OPHN1: variants seen among roughly 807,000 people sequenced by gnomAD.
OPHN1 encodes the protein oligophrenin 1.
OPHN1 carries 11 observed loss-of-function variants against 60.7 expected under a neutral mutation model. The observed-to-expected ratio is 0.18, with a 90% CI of 0.11 to 0.30. The LOEUF (loss-of-function observed/expected upper bound fraction) is 0.30, where lower values mean the gene tolerates loss of function less well. Ranked by LOEUF, OPHN1 falls within the 10% of genes least tolerant of loss-of-function variation. The probability of loss-of-function intolerance (pLI) is 1.00; values close to 1 mark genes in which losing one functional copy is unlikely to be tolerated. For missense variants in OPHN1, 449 were observed against 611.0 expected (o/e 0.73, Z 2.80); for synonymous variants, 226 against 222.6 (o/e 1.02, Z -0.14).
intron 6 of OPHN1, among the ~76,000 whole-genome samples, chrX:68,224,810 G>A (rs780056833): frequency 1.9e-3 from 219 of 112,497 alleles, no homozygotes; most frequent in African/African-American, 5.0e-3. Context: ...CAGTGTGAGC[G>A]ACACAGAAGA....
chrX:68,104,852 C>CT (rs1243304611), intron 18 of OPHN1, among the ~76,000 whole-genome samples: 1 of 111,865 alleles, frequency 8.9e-6, no homozygotes, highest in Non-Finnish European at 1.9e-5. Context: ...GCAAAAGAAA[C>CT]TATCATCAGA....
intron 15 of OPHN1, among the ~76,000 whole-genome samples, chrX:68,163,985 T>TA (rs1211998024): frequency 8.9e-6 from 1 of 111,765 alleles, no homozygotes; most frequent in Non-Finnish European, 1.9e-5. Flanking sequence ...CAACATTTTT[T>TA]AAAAAACTCC....
At chrX:68,256,211 A>G (rs1232225247) in intron 5 of OPHN1, among the ~76,000 whole-genome samples, 1 of 111,053 alleles carries the variant, frequency 9.0e-6, no homozygotes, top group African/African-American at 3.3e-5. Context: ...CCACAAATGA[A>G]TTCTCCTTGG....
At chrX:68,229,474 A>C (rs2077715698) in intron 6 of OPHN1, among the ~76,000 whole-genome samples, 1 of 111,836 alleles carries the variant, frequency 8.9e-6, no homozygotes, top group Non-Finnish European at 1.9e-5. Flanking sequence ...AAGCCAAAAG[A>C]GCAAAGCTGG....
chrX:68,206,962 T>C (rs994763533), intron 9 of OPHN1, among the ~76,000 whole-genome samples: 3 of 110,826 alleles, frequency 2.7e-5, no homozygotes, highest in African/African-American at 6.6e-5. Context: ...CTGGAGACTA[T>C]TGTCATTTAC....
chrX:68,194,045 A>G, intron 13 of OPHN1, 93 bp from the exon 14 acceptor site: 1 of 766,589 alleles, frequency 1.3e-6, no homozygotes, highest in South Asian at 2.2e-5. Flanking sequence ...GCATTGAGAG[A>G]GCTAAGGGTT....
At chrX:68,237,639 A>G (rs967259291) in intron 5 of OPHN1, among the ~76,000 whole-genome samples, 1 of 112,212 alleles carries the variant, frequency 8.9e-6, no homozygotes, top group Non-Finnish European at 1.9e-5. Context: ...CTTAATGTTC[A>G]CATTATTAAT....
intron 9 of OPHN1, among the ~76,000 whole-genome samples, chrX:68,207,432 A>G (rs1244599489): frequency 9.0e-6 from 1 of 110,891 alleles, no homozygotes; most frequent in Non-Finnish European, 1.9e-5. Context: ...CGCTGGGCCC[A>G]GTGTCTTATT....
intron 2 of OPHN1, among the ~76,000 whole-genome samples, chrX:68,380,302 T>G (rs1404278157): frequency 3.6e-5 from 4 of 111,471 alleles, no homozygotes; most frequent in Admixed American, 1.9e-4. Context: ...TTATTGCATC[T>G]ATTTGATTCT....
At chrX:68,192,326 C>T (rs1393410706) in intron 15 of OPHN1, among the ~76,000 whole-genome samples, 4 of 110,089 alleles carry the variant, frequency 3.6e-5, no homozygotes, top group African/African-American at 1.3e-4. Context: ...TAGTGAGACC[C>T]CATCACTACA....
chrX:68,200,107 A>G (rs1370275264), intron 11 of OPHN1, among the ~76,000 whole-genome samples: 5 of 111,875 alleles, frequency 4.5e-5, no homozygotes, highest in Non-Finnish European at 9.4e-5. Flanking sequence ...GTTTGAGCTC[A>G]GCCTCACCAT....
intron 15 of OPHN1, among the ~76,000 whole-genome samples, chrX:68,122,721 G>A (rs1238988872): frequency 9.0e-6 from 1 of 110,705 alleles, no homozygotes; most frequent in East Asian, 2.8e-4. Flanking sequence ...GAATGCATCA[G>A]AGTCTTATAA....
rs765440100 is a variant in OPHN1, at chrX:68,073,248, G to T, written c.1738C>A (p.Arg580=). 2 of 1,209,799 alleles carry T rather than the reference G, an allele frequency of 1.7e-6. No homozygotes were observed. The highest frequency in any genetic ancestry group is 1.8e-5 in the South Asian group (1 of 56,786). Residue 580 remains arginine (R), a synonymous_variant, in exon 20 of 25, where the codon CGG becomes AGG. Coordinates refer to ENST00000355520, the MANE Select transcript of OPHN1 (RefSeq NM_002547.3). ...ESAAPPVPPP[R]VTARRHKPIT... is the part of the protein sequence containing the mutation. ...GGTTTGTGCCTTCTTGCTGTCACCC[G>T]AGGCGGAGGCACTGGCGGTGCAGCG...
At chrX:68,170,189 C>T in intron 15 of OPHN1, among the ~76,000 whole-genome samples, 1 of 107,943 alleles carries the variant, frequency 9.3e-6, no homozygotes, top group Non-Finnish European at 1.9e-5. Flanking sequence ...AAATGCTCAC[C>T]ATCACTGGCC....
intron 7 of OPHN1, among the ~76,000 whole-genome samples, chrX:68,213,419 G>A (rs1176517458): frequency 9.0e-6 from 1 of 111,005 alleles, no homozygotes; most frequent in South Asian, 3.8e-4. Flanking sequence ...ATGAAAAAAC[G>A]TGAAATGGGA....
At chrX:68,129,389 G>T (rs2077184674) in intron 15 of OPHN1, among the ~76,000 whole-genome samples, 1 of 111,620 alleles carries the variant, frequency 9.0e-6, no homozygotes, top group South Asian at 3.8e-4. Flanking sequence ...GGATCCCAAT[G>T]CAAGAGATTA....
At chrX:68,055,287 T>A (rs1270800813) in intron 21 of OPHN1, among the ~76,000 whole-genome samples, 4 of 112,010 alleles carry the variant, frequency 3.6e-5, no homozygotes, top group African/African-American at 1.3e-4. Flanking sequence ...GACTGTAAAT[T>A]TCCTCATCTG....
At position 68,096,885 on chromosome X, in the gene OPHN1, G is replaced by A. The variant is rs754504347; in HGVS notation, c.1671C>T (p.Ile557=). 11 of 1,208,702 alleles carry A rather than the reference G, an allele frequency of 9.1e-6. No homozygotes were observed. Among genetic ancestry groups the A allele is most frequent in the East Asian group, 3.0e-5 (1 of 33,738 alleles). ...KFQNIVVEIL[I]EHFGKIYLGP... ...AAATGCATACCTTGCCAAAGTGCTC[G>A]ATTAGTATTTCCACCACTATGTTCT... The change falls in exon 19 of 25, where the codon ATC becomes ATT. Residue 557 remains isoleucine, a synonymous_variant. Coordinates refer to ENST00000355520, the MANE Select transcript of OPHN1 (RefSeq NM_002547.3).
At chrX:68,194,564 T>C in intron 12 of OPHN1, 66 bp from the exon 13 acceptor site, 1 of 913,622 alleles carries the variant, frequency 1.1e-6, no homozygotes, top group Admixed American at 2.2e-5. Flanking sequence ...ACAGAGAACA[T>C]AATATTAAAT....
Sources: allele counts gnomAD v4.1 joint callset (sites outside exome capture counted in the v4.1 genomes callset), GRCh38; gene constraint gnomAD v4.1.1; transcripts MANE v1.5; gene names NCBI Gene and HGNC (gene_info 2026-07-23, HGNC 2026-07-21).